The following ARHGEF33 variants were observed in gnomAD, a reference collection of about 807,000 sequenced individuals.
ARHGEF33 encodes the protein Rho guanine nucleotide exchange factor 33, also known as DH and coiled-coil domain-containing protein ENSP00000381780.
A neutral mutation model predicts 101.9 loss-of-function variants in ARHGEF33; 72 were observed. The observed-to-expected ratio is 0.71, with a 90% CI of 0.58 to 0.86. The LOEUF (loss-of-function observed/expected upper bound fraction) is 0.86. Ranked by LOEUF, ARHGEF33 falls within the 40% of genes least tolerant of loss-of-function variation. The probability of loss-of-function intolerance (pLI) is 0.00; values close to 1 mark genes in which losing one functional copy is unlikely to be tolerated. For synonymous variants in ARHGEF33, 499 were observed against 442.5 expected (o/e 1.13, Z -1.60); for missense variants, 1,169 against 1,111.3 (o/e 1.05, Z -0.74).
At position 38,894,651 on chromosome 2, in the gene ARHGEF33, T is replaced by C. The variant is rs570432269; in HGVS notation, c.-158-1126T>C. Among the ~76,000 whole-genome samples, 7 of 152,254 alleles carry C rather than the reference T, an allele frequency of 4.6e-5. No individual in the cohort carries two copies. The South Asian group carries it at 1.5e-3, about 32-fold the overall frequency. ...GTTGCTAGGTCTCCACCTATCTCAC[T>C]GATGTTCAGCCAGCAGGAACGAGGA... On this transcript the variant is annotated intron_variant, in intron 1 of 17. Coordinates refer to ENST00000409978, the MANE Select transcript of ARHGEF33 (RefSeq NM_001145451.5).
chr2:38,928,482 C>G (rs1666922240), intron 4 of ARHGEF33, among the ~76,000 whole-genome samples: 1 of 152,072 alleles, frequency 6.6e-6, no homozygotes, highest in African/African-American at 2.4e-5. Flanking sequence ...CTTAAGAAAA[C>G]AAGAACTGAG....
rs1667785432 is a variant in ARHGEF33 at position 38,957,025 on chromosome 2, C to G, written c.1348C>G (p.Gln450Glu). 2 of 1,551,906 alleles carry G rather than the reference C, an allele frequency of 1.3e-6. No individual in the cohort carries two copies. Among genetic ancestry groups the G allele is most frequent in the Non-Finnish European group, 1.7e-6 (2 of 1,147,046 alleles). Residue 450 changes from glutamine to glutamate, a missense_variant, in exon 14 of 18, where the codon CAG (glutamine) becomes GAG (glutamate). Physicochemically the swap from Gln to Glu is conservative, Grantham distance 29 (BLOSUM62 2). Transcript: ENST00000409978. ...TCAATGCAATGAAGATTTGCTTATT[C>G]AGAAACGGAAAAAGCTCAAGAAGTA... ...LFQCNEDLLI[Q>E]KRKKLKKSSM... is the part of the protein sequence containing the mutation.
At chr2:38,893,616 T>C (rs967513031) in intron 1 of ARHGEF33, among the ~76,000 whole-genome samples, 1 of 152,228 alleles carries the variant, frequency 6.6e-6, no homozygotes, top group Non-Finnish European at 1.5e-5. Flanking sequence ...TTTGTCACAA[T>C]CCATTATATG....
chr2:38,899,970 C>T (rs1204700841), intron 2 of ARHGEF33, among the ~76,000 whole-genome samples: 1 of 151,918 alleles, frequency 6.6e-6, no homozygotes, highest in Non-Finnish European at 1.5e-5. Flanking sequence ...GGGAGGACTG[C>T]TTGAGGGCAA....
At chr2:38,914,895 A>C (rs1226163313) in intron 2 of ARHGEF33, among the ~76,000 whole-genome samples, 1 of 152,084 alleles carries the variant, frequency 6.6e-6, no homozygotes, top group Non-Finnish European at 1.5e-5. Flanking sequence ...GAACACTTTT[A>C]CCTCTGCTCA....
chr2:38,931,070 A>T, intron 6 of ARHGEF33, 39 bp from the exon 7 acceptor site: 1 of 1,502,386 alleles, frequency 6.7e-7, no homozygotes, highest in Non-Finnish European at 8.9e-7. Flanking sequence ...ATCAGATATT[A>T]AGAACCAGAA....
At chr2:38,959,580 G>T in intron 15 of ARHGEF33, 1 of 388,334 alleles carries the variant, frequency 2.6e-6, no homozygotes, top group Admixed American at 4.1e-5. Context: ...GCTTCCACGC[G>T]GGGTGATGAC....
chr2:38,965,976 AAG>A (rs1168636985), intron 16 of ARHGEF33, 28 bp from the exon 17 acceptor site: 63 of 1,550,024 alleles, frequency 4.1e-5, no homozygotes, highest in Non-Finnish European at 5.5e-5. Flanking sequence ...GGAAGGAGTA[AAG>A]AAAAAAATCC....
chr2:38,897,388 G>A (rs928451234), intron 2 of ARHGEF33, among the ~76,000 whole-genome samples: 3 of 152,170 alleles, frequency 2.0e-5, no homozygotes, highest in Non-Finnish European at 4.4e-5. Context: ...ACTAGAATAA[G>A]CAGCTACCTC....
At chr2:38,929,344 G>A (rs935468163) in intron 5 of ARHGEF33, among the ~76,000 whole-genome samples, 5 of 152,074 alleles carry the variant, frequency 3.3e-5, no homozygotes, top group South Asian at 4.2e-4. Flanking sequence ...CAGGAGAATC[G>A]CTTGAGCCAG....
chr2:38,894,716 C>T (rs3099957), intron 1 of ARHGEF33, among the ~76,000 whole-genome samples: 1 of 152,024 alleles, frequency 6.6e-6, no homozygotes, highest in African/African-American at 2.4e-5. Flanking sequence ...AGGAGACTTC[C>T]CAGTGGTCAC....
chr2:38,943,546 G>A (rs1051057912), intron 9 of ARHGEF33, among the ~76,000 whole-genome samples: 2 of 152,198 alleles, frequency 1.3e-5, no homozygotes, highest in African/African-American at 4.8e-5. Flanking sequence ...CTGGTATGGG[G>A]GGTGAGGATC....
At chr2:38,961,231 C>G (rs1667930456) in intron 16 of ARHGEF33, among the ~76,000 whole-genome samples, 1 of 152,180 alleles carries the variant, frequency 6.6e-6, no homozygotes, top group South Asian at 2.1e-4. Context: ...AGCTTTATTT[C>G]TGCTTGCTTT....
chr2:38,948,122 C>G (rs1169606897), intron 10 of ARHGEF33, among the ~76,000 whole-genome samples: 1 of 151,980 alleles, frequency 6.6e-6, no homozygotes, highest in African/African-American at 2.4e-5. Flanking sequence ...GCTCTGAATA[C>G]TTCGTCTTCA....
chr2:38,890,063 C>T lies in ARHGEF33; in HGVS notation c.-159+77C>T, dbSNP rs1161213684. 8 of 322,210 alleles carry T rather than the reference C, an allele frequency of 2.5e-5. 1 individual carries two copies. The Admixed American group carries it at 3.0e-4, about 12-fold the overall frequency. 20.0% of individuals were successfully genotyped at this position (322,210 alleles called of 1,614,324 possible). A position where few individuals can be genotyped will look rare whatever the true frequency, so the allele number is the denominator to read the frequency against. On this transcript the variant is annotated intron_variant, in intron 1 of 17. Transcript: ENST00000409978. ...TTATAAGAGATGAAAACCCATCAAT[C>T]CTTACCACGTGGTGTACTAATTTAA... is the stretch of plus-strand genomic sequence containing the variant.
At chr2:38,928,614 C>G (rs1051512254) in intron 4 of ARHGEF33, among the ~76,000 whole-genome samples, 1 of 152,174 alleles carries the variant, frequency 6.6e-6, no homozygotes, top group Admixed American at 6.5e-5. Flanking sequence ...TCATTTTAAT[C>G]AAAGGTGTTA....
At position 38,966,052 on chromosome 2, in the gene ARHGEF33, G is replaced by C; in HGVS notation, c.2390G>C (p.Arg797Thr). ...DTTRFCPKEE[R>T]ESEQTSFSDQ... is the part of the protein sequence containing the mutation. ...ACCAGATTCTGTCCCAAAGAAGAAA[G>C]AGAAAGTGAACAAACATCTTTCAGC... The change falls in exon 17 of 18, where the codon AGA becomes ACA. Residue 797 changes from arginine to threonine, a missense_variant. Physicochemically the swap from Arg to Thr is moderately conservative, Grantham distance 71 (BLOSUM62 -1). Coordinates refer to ENST00000409978, the MANE Select transcript of ARHGEF33 (RefSeq NM_001145451.5). 1 of 1,551,692 alleles carries C rather than the reference G, an allele frequency of 6.4e-7. No individual in the cohort carries two copies. Among genetic ancestry groups the C allele is most frequent in the Non-Finnish European group, 8.7e-7 (1 of 1,146,966 alleles).
chr2:38,943,997 G>A lies in ARHGEF33; in HGVS notation c.887G>A (p.Gly296Glu). ...LILKIKATFQ[G>E]SDGKRNSKER... ...TTGAAGATAAAAGCCACATTCCAGG[G>A]GTCAGATGGAAAGAGGAATTCCAAA... Residue 296 changes from glycine (G) to glutamate (E), a missense_variant, in exon 10 of 18, where the codon GGG becomes GAG. Physicochemically the swap from Gly to Glu is moderately conservative, Grantham distance 98. Coordinates refer to ENST00000409978, the MANE Select transcript of ARHGEF33 (RefSeq NM_001145451.5). 1 of 1,550,758 alleles carries A rather than the reference G, an allele frequency of 6.4e-7. No homozygotes were observed. Among genetic ancestry groups the A allele is most frequent in the South Asian group, 1.2e-5 (1 of 83,720 alleles).
chr2:38,899,328 C>T (rs903355724), intron 2 of ARHGEF33, among the ~76,000 whole-genome samples: 3 of 151,960 alleles, frequency 2.0e-5, no homozygotes, highest in Non-Finnish European at 4.4e-5. Flanking sequence ...CTAGTATAAA[C>T]AGTAAAATTG....
Sources: allele counts gnomAD v4.1 joint callset (sites outside exome capture counted in the v4.1 genomes callset), GRCh38; gene constraint gnomAD v4.1.1; transcripts MANE v1.5; gene names NCBI Gene and HGNC (gene_info 2026-07-23, HGNC 2026-07-21).